PDE2A: variants seen among roughly 807,000 people sequenced by gnomAD.
PDE2A encodes cGMP-dependent 3',5'-cyclic phosphodiesterase.
A neutral mutation model predicts 133.6 loss-of-function variants in PDE2A; 53 were observed. The observed-to-expected ratio is 0.40, with a 90% CI of 0.32 to 0.50. PDE2A has a LOEUF of 0.50. Among genes scored for constraint, PDE2A ranks in the 20% least tolerant of loss-of-function variants. The pLI, the probability that PDE2A is intolerant of heterozygous loss-of-function variation, is 0.73. For synonymous variants in PDE2A, 491 were observed against 490.2 expected, an observed-to-expected ratio of 1.00 and a Z score of -0.02; for missense variants, 796 against 1,232.4, an observed-to-expected ratio of 0.65 and a Z score of 5.30.
rs1001235040 is a variant in PDE2A at position 72,578,689 on chromosome 11, G to T, written c.2470-175C>A. 4.6e-5 allele frequency among the ~76,000 whole-genome samples: 7 copies of T among 152,184 alleles called. No homozygotes were observed. The highest frequency in any genetic ancestry group is 1.0e-4 in the Non-Finnish European group (7 of 68,014). On this transcript the variant is annotated intron_variant, in intron 28 of 30. Transcript: ENST00000334456. This position sits in a 1 kb window ranked among gnomAD's most constrained non-coding sequence, Gnocchi z 4.2. ...ATGGCCTGAGGCAGGGAGTGGCTGG[G>T]TTGGGGCCCACCTTCCACCAGCCAC...
chr11:72,674,302 C>T lies in PDE2A; in HGVS notation c.-95G>A. 1.5e-6 allele frequency: 2 copies of T among 1,302,408 alleles called. No homozygotes were observed. Among genetic ancestry groups the T allele is most frequent in the Non-Finnish European group, 2.1e-6 (2 of 940,836 alleles). 80.7% of individuals were successfully genotyped at this position (1,302,408 alleles called of 1,614,324 possible). On this transcript the variant is annotated 5_prime_UTR_variant, in exon 1 of 31. It adds an upstream start codon to the 5' untranslated region. Coordinates refer to ENST00000334456, the MANE Select transcript of PDE2A (RefSeq NM_002599.5). ...CAGGGCAGGGCACCCCCAGCAGGCA[C>T]AGGGACCAAGAGCAGTGGGCTGCCC... is the stretch of plus-strand genomic sequence containing the variant.
At chr11:72,673,704 C>T (rs1437864781) in intron 1 of PDE2A, among the ~76,000 whole-genome samples, 5 of 151,838 alleles carry the variant, frequency 3.3e-5, no homozygotes, top group Non-Finnish European at 7.4e-5. Context: ...CCCTCCCCAC[C>T]TCCTTCACAC....
In PDE2A at chr11:72,674,382, G is replaced by T; in HGVS notation, c.-175C>A. The stretch of plus-strand genomic sequence containing the variant: ...CCAGCTCTGCTGCCCCGCTGCTCCC[G>T]CCTCTCCCGCTGCCACTGCCTCTGC... On this transcript the variant is annotated 5_prime_UTR_variant, in exon 1 of 31. Coordinates refer to ENST00000334456, the MANE Select transcript of PDE2A (RefSeq NM_002599.5). 2 of 593,462 alleles carry T rather than the reference G, an allele frequency of 3.4e-6. No individual in the cohort carries two copies. Among genetic ancestry groups the T allele is most frequent in the South Asian group, 2.1e-5 (1 of 47,006 alleles). 36.8% of individuals were successfully genotyped at this position (593,462 alleles called of 1,614,324 possible).
At chr11:72,592,484 T>C (rs958431110) in intron 6 of PDE2A, among the ~76,000 whole-genome samples, 1 of 152,026 alleles carries the variant, frequency 6.6e-6, no homozygotes, top group Non-Finnish European at 1.5e-5. Context: ...TGGAGCCTCA[T>C]ACCTGAGGAA....
At chr11:72,664,892 C>T (rs1412534576) in intron 1 of PDE2A, among the ~76,000 whole-genome samples, 2 of 151,978 alleles carry the variant, frequency 1.3e-5, no homozygotes, top group Middle Eastern at 3.4e-3. Flanking sequence ...CTGCAACCTC[C>T]GCCTCCTGGG....
intron 6 of PDE2A, among the ~76,000 whole-genome samples, chr11:72,595,446 C>G (rs887727326): frequency 2.0e-5 from 3 of 151,870 alleles, no homozygotes; most frequent in African/African-American, 7.3e-5. Context: ...TGCGGAGAAA[C>G]CAAGCAGCGG....
At chr11:72,586,571 C>G (rs1349797600) in intron 13 of PDE2A, among the ~76,000 whole-genome samples, 1 of 152,204 alleles carries the variant, frequency 6.6e-6, no homozygotes, top group Non-Finnish European at 1.5e-5. Context: ...TGTCACTACC[C>G]CACTCTCCCT....
intron 2 of PDE2A, among the ~76,000 whole-genome samples, chr11:72,609,935 A>G (rs1390166591): frequency 6.9e-6 from 1 of 145,754 alleles, no homozygotes; most frequent in African/African-American, 2.4e-5. Context: ...CTCAAATTGC[A>G]GGCCATATTA....
At chr11:72,631,634 GC>G (rs1483644722) in intron 2 of PDE2A, among the ~76,000 whole-genome samples, 3 of 152,116 alleles carry the variant, frequency 2.0e-5, no homozygotes, top group African/African-American at 7.2e-5. Context: ...CCATGTGGGA[GC>G]CCCCCTACCC....
chr11:72,647,376 G>A (rs1486192085), intron 1 of PDE2A, among the ~76,000 whole-genome samples: 1 of 152,220 alleles, frequency 6.6e-6, no homozygotes, highest in Non-Finnish European at 1.5e-5. Flanking sequence ...CAGCCGTGAA[G>A]CTTGGCCTGC....
intron 4 of PDE2A, among the ~76,000 whole-genome samples, chr11:72,601,947 G>C (rs956911704): frequency 5.3e-5 from 8 of 152,160 alleles, no homozygotes; most frequent in African/African-American, 1.9e-4. Flanking sequence ...ATGTTGTCCT[G>C]GATCCCAGGT....
chr11:72,628,333 CTTT>C (rs562919002), intron 2 of PDE2A, among the ~76,000 whole-genome samples: 2 of 142,012 alleles, frequency 1.4e-5, no homozygotes. Context: ...GATAGAGGTT[CTTT>C]TTTTTTTTTT....
At chr11:72,581,085 G>A (rs1855704930) in intron 23 of PDE2A, 112 bp from the exon 24 acceptor site, 10 of 821,622 alleles carry the variant, frequency 1.2e-5, no homozygotes, top group East Asian at 2.5e-5. Context: ...GGGACAGGAG[G>A]TTGGAACACC....
chr11:72,590,688 G>C lies in PDE2A; in HGVS notation c.550-108C>G. 9.3e-7 allele frequency: 1 copy of C among 1,075,928 alleles called. No homozygotes were observed. Among genetic ancestry groups the C allele is most frequent in the Non-Finnish European group, 1.2e-6 (1 of 812,818 alleles). The allele number at this position is 1,075,928 out of a possible 1,614,324, so 66.6% of individuals were successfully genotyped here. A position where few individuals can be genotyped will look rare whatever the true frequency, so the allele number is the denominator to read the frequency against. On this transcript the variant is annotated intron_variant, in intron 7 of 30. Coordinates refer to ENST00000334456, the MANE Select transcript of PDE2A (RefSeq NM_002599.5). This position sits in a 1 kb window ranked among gnomAD's most constrained non-coding sequence, Gnocchi z 4.8. Reference sequence around the variant, plus strand: ...CCGTTCCCTCTGCCTGCCGGGCCCAGGGACCCCGCCGCCGTCCCAAACACC... The same window carrying C: ...CCGTTCCCTCTGCCTGCCGGGCCCACGGACCCCGCCGCCGTCCCAAACACC...
intron 1 of PDE2A, among the ~76,000 whole-genome samples, chr11:72,647,398 T>G (rs1859156596): frequency 6.6e-6 from 1 of 152,146 alleles, no homozygotes; most frequent in African/African-American, 2.4e-5. Context: ...TCTCTTTGAG[T>G]GCTCAGGAAG....
At chr11:72,652,481 T>C (rs540637992) in intron 1 of PDE2A, 5 of 454,906 alleles carry the variant, frequency 1.1e-5, no homozygotes, top group African/African-American at 1.0e-4. Flanking sequence ...CTCCAGCATA[T>C]GTGAGGTGCA....
chr11:72,673,402 C>CGTAT (rs1244802977), intron 1 of PDE2A, among the ~76,000 whole-genome samples: 1 of 151,178 alleles, frequency 6.6e-6, no homozygotes, highest in East Asian at 1.9e-4. Context: ...CATGTATACA[C>CGTAT]ACACACACAC....
intron 12 of PDE2A, 118 bp from the exon 13 acceptor site, chr11:72,589,032 C>T: frequency 7.8e-7 from 1 of 1,277,602 alleles, no homozygotes; most frequent in South Asian, 1.3e-5. Flanking sequence ...GCTGGAAGCT[C>T]TGTGTCATGG....
At chr11:72,593,874 C>T (rs931527270) in intron 6 of PDE2A, among the ~76,000 whole-genome samples, 1 of 152,250 alleles carries the variant, frequency 6.6e-6, no homozygotes, top group African/African-American at 2.4e-5. Flanking sequence ...CTTGCTAGCA[C>T]TTGCCATCAC....
Sources: gnomAD v4.1 joint callset for allele counts (sites outside exome capture counted in the v4.1 genomes callset) on GRCh38, gnomAD v4.1.1 for gene constraint, Gnocchi (gnomAD v3.1) non-coding constraint, MANE v1.5 for transcripts, NCBI Gene and HGNC (gene_info 2026-07-23, HGNC 2026-07-21) for gene names.